The following MAP6 variants were observed in gnomAD, a reference collection of about 807,000 sequenced individuals.
MAP6 encodes the protein microtubule associated protein 6.
MAP6 carries 26 observed loss-of-function variants against 42.4 expected under a neutral mutation model. The ratio of observed to expected loss-of-function variants is 0.61; its 90% confidence interval spans 0.45 to 0.85. The LOEUF (loss-of-function observed/expected upper bound fraction) is 0.85. Among genes scored for constraint, MAP6 ranks in the 40% least tolerant of loss-of-function variants. The pLI is 0.00. For missense variants in MAP6, 966 were observed against 1,099.0 expected (o/e 0.88, Z 1.71); for synonymous variants, 418 against 443.8 (o/e 0.94, Z 0.73).
chr11:75,633,239 C>G (rs747436157), intron 1 of MAP6, among the ~76,000 whole-genome samples: 1 of 152,108 alleles, frequency 6.6e-6, no homozygotes, highest in African/African-American at 2.4e-5. Flanking sequence ...ACAGGACTTA[C>G]GAAGGCAAAT....
At chr11:75,639,106 G>A (rs867907336) in intron 1 of MAP6, among the ~76,000 whole-genome samples, 1 of 152,150 alleles carries the variant, frequency 6.6e-6, no homozygotes, top group Non-Finnish European at 1.5e-5. Flanking sequence ...GTGTACACAT[G>A]GACACAGAGA....
chr11:75,613,755 G>C (rs1321960282), intron 1 of MAP6, among the ~76,000 whole-genome samples: 1 of 152,194 alleles, frequency 6.6e-6, no homozygotes, highest in African/African-American at 2.4e-5. Flanking sequence ...AATATATTCA[G>C]ATCTGGGTTT....
rs537674576 is a variant in MAP6 at position 75,622,431 on chromosome 11, AGTGCAATGGCT to A, written c.906-14120_906-14110del. Among the ~76,000 whole-genome samples, 489 of 152,328 alleles carry A rather than the reference AGTGCAATGGCT, an allele frequency of 3.2e-3. 2 individuals are homozygous for A. The highest frequency in any genetic ancestry group is 0.011 in the African/African-American group (475 of 41,564). On this transcript the variant is annotated intron_variant, in intron 1 of 3. Coordinates refer to ENST00000304771, the MANE Select transcript of MAP6 (RefSeq NM_033063.2). ...AGCCAGTAATAAATGTAAAAAAAGA[AGTGCAATGGCT>A]GTACACTGAAAACTACATAATGCTG...
chr11:75,667,744 G>C lies in MAP6; in HGVS notation c.626C>G (p.Ala209Gly). The change falls in exon 1 of 4, where the codon GCC becomes GGC. Residue 209 changes from alanine (A) to glycine (G), a missense_variant. This residue lies in a region of MAP6 where 943 missense variants were observed against 1,049.9 expected (regional missense o/e 0.90). Transcript: ENST00000304771. The surrounding 1 kb of genome is among the most constrained non-coding windows in gnomAD (Gnocchi z 5.6). ...CGCCTCCTGCTCCCGGGCCTCAGCG[G>C]CGGCCTGCACTGGCCAGCGCTCCTG... ...QSQERWPVQA[A>G]AEAREQEAAP... 1 of 1,304,266 alleles carries C rather than the reference G, an allele frequency of 7.7e-7. No homozygotes were observed. The highest frequency in any genetic ancestry group is 9.7e-7 in the Non-Finnish European group (1 of 1,028,926). 80.8% of individuals were successfully genotyped at this position (1,304,266 alleles called of 1,614,324 possible). A position where few individuals can be genotyped will look rare whatever the true frequency, so the allele number is the denominator to read the frequency against.
At chr11:75,608,471 A>T (rs1942823865) in intron 1 of MAP6, 149 bp from the exon 2 acceptor site, 7 of 673,960 alleles carry the variant, frequency 1.0e-5, no homozygotes, top group African/African-American at 1.8e-5. Context: ...ACTCTTTCAT[A>T]AGGAAGAGTG....
rs367964479 is a variant in MAP6 at position 75,607,619 on chromosome 11, GAGA to G, written c.1119+487_1119+489del. 971 of 985,374 alleles carry G rather than the reference GAGA, an allele frequency of 9.9e-4. 3 individuals are homozygous for G. In the African/African-American group the frequency reaches 0.016, roughly 16 times the overall value. The allele number at this position is 985,374 out of a possible 1,614,324, so 61.0% of individuals were successfully genotyped here. A position where few individuals can be genotyped will look rare whatever the true frequency, so the allele number is the denominator to read the frequency against. ...AGTCATAGTGGATGGTGTTTAGCCC[GAGA>G]AGATGAGAGAGGGCAGGTGCTTTTC... On this transcript the variant is annotated intron_variant, in intron 2 of 3. Coordinates refer to ENST00000304771, the MANE Select transcript of MAP6 (RefSeq NM_033063.2).
At chr11:75,640,152 C>T (rs1943438840) in intron 1 of MAP6, among the ~76,000 whole-genome samples, 1 of 151,932 alleles carries the variant, frequency 6.6e-6, no homozygotes, top group South Asian at 2.1e-4. Context: ...TCTGAGTTAT[C>T]CAGTCCCTTG....
Position 75,605,753 on chromosome 11 carries a change from A to G in MAP6, c.1316+55T>C, listed in dbSNP as rs12283967. 3.9e-5 allele frequency: 62 copies of G among 1,569,832 alleles called. No homozygotes were observed. In the African/African-American group the frequency reaches 8.0e-4, roughly 20 times the overall value. ...TTGGTTTGTTGGTTTAAAAAAAAAA[A>G]GTTGGGGGGAGGGAGAGAGAGAGAA... On this transcript the variant is annotated intron_variant, in intron 3 of 3. Transcript: ENST00000304771.
At chr11:75,663,607 GCAGA>G (rs1943894558) in intron 1 of MAP6, among the ~76,000 whole-genome samples, 1 of 152,068 alleles carries the variant, frequency 6.6e-6, no homozygotes, top group South Asian at 2.1e-4. Flanking sequence ...TTACAATCAA[GCAGA>G]CAATGATAAG....
intron 1 of MAP6, chr11:75,636,086 T>C (rs1005868797): frequency 2.0e-5 from 3 of 152,164 alleles, no homozygotes; most frequent in African/African-American, 7.2e-5. Context: ...TGCTTCTGGG[T>C]CCCAGGAAGC....
At chr11:75,593,754 A>G (rs1380961924) in intron 3 of MAP6, among the ~76,000 whole-genome samples, 3 of 152,204 alleles carry the variant, frequency 2.0e-5, no homozygotes, top group Non-Finnish European at 4.4e-5. Flanking sequence ...AAAGACACTG[A>G]GCAATAACTA....
chr11:75,608,548 A>G (rs1260990711), intron 1 of MAP6, among the ~76,000 whole-genome samples: 2 of 152,208 alleles, frequency 1.3e-5, no homozygotes, highest in African/African-American at 4.8e-5. Context: ...CCTTGGAGAA[A>G]GAGATCAGGT....
intron 1 of MAP6, among the ~76,000 whole-genome samples, chr11:75,638,212 C>T (rs1477728941): frequency 6.6e-6 from 1 of 152,218 alleles, no homozygotes; most frequent in East Asian, 1.9e-4. Flanking sequence ...TGGCTGTTAC[C>T]ACTCCCAGGA....
At chr11:75,637,259 G>A (rs1943384746) in intron 1 of MAP6, among the ~76,000 whole-genome samples, 1 of 152,124 alleles carries the variant, frequency 6.6e-6, no homozygotes. Context: ...AAAGTTAATG[G>A]CAGACCATAT....
At chr11:75,617,537 A>AC (rs1943020234) in intron 1 of MAP6, among the ~76,000 whole-genome samples, 1 of 150,768 alleles carries the variant, frequency 6.6e-6, no homozygotes, top group African/African-American at 2.4e-5. Flanking sequence ...AAAAAAAAAA[A>AC]AAAACCCAAA....
chr11:75,650,039 A>G (rs892190378), intron 1 of MAP6, among the ~76,000 whole-genome samples: 1 of 152,128 alleles, frequency 6.6e-6, no homozygotes, highest in Non-Finnish European at 1.5e-5. Flanking sequence ...TTTGGCCATG[A>G]GCTCCCTCCC....
rs1206271887 is a variant in MAP6 at position 75,667,875 on chromosome 11, C to A, written c.495G>T (p.Leu165=). 1.4e-6 allele frequency: 2 copies of A among 1,446,126 alleles called. No individual in the cohort carries two copies. Among genetic ancestry groups the A allele is most frequent in the East Asian group, 2.9e-5 (1 of 34,492 alleles). The allele number at this position is 1,446,126 out of a possible 1,614,324, so 89.6% of individuals were successfully genotyped here. A position where few individuals can be genotyped will look rare whatever the true frequency, so the allele number is the denominator to read the frequency against. The change falls in exon 1 of 4, where the codon CTG becomes CTT. Residue 165 remains leucine, a synonymous_variant. Transcript: ENST00000304771. This position sits in a 1 kb window ranked among gnomAD's most constrained non-coding sequence, Gnocchi z 5.6. ...QYQKDFRAWP[L]PRRGDHPWIP... is the part of the protein sequence containing the mutation. ...TCCACGGGTGGTCCCCGCGGCGCGG[C>A]AGCGGCCAGGCGCGGAAGTCCTTCT...
At position 75,667,282 on chromosome 11, in the gene MAP6, T is replaced by C. The variant is rs949480575; in HGVS notation, c.905+183A>G. On this transcript the variant is annotated intron_variant, in intron 1 of 3. Coordinates refer to ENST00000304771, the MANE Select transcript of MAP6 (RefSeq NM_033063.2). The surrounding 1 kb of genome is among the most constrained non-coding windows in gnomAD (Gnocchi z 5.6). Reference sequence around the variant, plus strand: ...ATGGAATATACTAACAGCTTGCGCATGGGACAGGGCAGAAGAGAAGGCTTC... The same window carrying C: ...ATGGAATATACTAACAGCTTGCGCACGGGACAGGGCAGAAGAGAAGGCTTC... Among the ~76,000 whole-genome samples, 8 of 152,070 alleles carry C rather than the reference T, an allele frequency of 5.3e-5. No homozygotes were observed. Among genetic ancestry groups the C allele is most frequent in the Admixed American group, 6.5e-5 (1 of 15,282 alleles).
intron 2 of MAP6, among the ~76,000 whole-genome samples, chr11:75,606,274 C>T (rs1942773214): frequency 6.6e-6 from 1 of 152,148 alleles, no homozygotes; most frequent in Non-Finnish European, 1.5e-5. Context: ...GGCAGTGGGC[C>T]ATACCACTGT....
Sources: gnomAD v4.1 joint callset for allele counts (sites outside exome capture counted in the v4.1 genomes callset) on GRCh38, gnomAD v4.1.1 for gene constraint, gnomAD v4.1.1 regional missense constraint, Gnocchi (gnomAD v3.1) non-coding constraint, MANE v1.5 for transcripts, NCBI Gene and HGNC (gene_info 2026-07-23, HGNC 2026-07-21) for gene names.